The following FYB1 variants were observed in gnomAD, a reference collection of about 807,000 sequenced individuals.
FYB1 encodes the protein FYN-binding protein 1.
In FYB1, 41 loss-of-function variants were observed where a neutral mutation model predicts 94.1. The observed-to-expected ratio is 0.44, with a 90% CI of 0.34 to 0.57. FYB1 has a LOEUF of 0.57. Ranked by LOEUF, FYB1 falls within the 20% of genes least tolerant of loss-of-function variation. FYB1 has a pLI of 0.02. For missense variants in FYB1, 1,050 were observed against 976.8 expected (o/e 1.07, Z -1.00); for synonymous variants, 367 against 353.2 (o/e 1.04, Z -0.44).
Position 39,157,140 on chromosome 5 carries a change from G to A in FYB1, c.1136-3536C>T, listed in dbSNP as rs79579060. 6.4e-3 allele frequency among the ~76,000 whole-genome samples: 980 copies of A among 152,098 alleles called. 7 individuals are homozygous for A. Among genetic ancestry groups the A allele is most frequent in the Non-Finnish European group, 0.01 (688 of 67,984 alleles). On this transcript the variant is annotated intron_variant, in intron 2 of 18. Transcript: ENST00000512982. ...GTTCAGAGAATTAGTAAGCCGTAGC[G>A]GTGGGTTTCAAACTTGGCCAGAATT...
At chr5:39,113,712 T>A (rs1739277893) in intron 16 of FYB1, among the ~76,000 whole-genome samples, 1 of 150,824 alleles carries the variant, frequency 6.6e-6, no homozygotes, top group Non-Finnish European at 1.5e-5. Context: ...TCATTTCATT[T>A]GTTGTGGGTA....
At chr5:39,246,758 T>C (rs1400542767) in intron 1 of FYB1, among the ~76,000 whole-genome samples, 1 of 152,258 alleles carries the variant, frequency 6.6e-6, no homozygotes, top group South Asian at 2.1e-4. Context: ...GATAGATCCA[T>C]GTAAACTGAA....
intron 2 of FYB1, among the ~76,000 whole-genome samples, chr5:39,159,209 G>T (rs1046248682): frequency 1.3e-5 from 2 of 152,150 alleles, no homozygotes; most frequent in Admixed American, 1.3e-4. Flanking sequence ...CTATTTGTTT[G>T]AGAATTATTA....
intron 9 of FYB1, 23 bp downstream of exon 9, chr5:39,134,185 C>A: frequency 6.3e-7 from 1 of 1,585,944 alleles, no homozygotes; most frequent in Non-Finnish European, 8.6e-7. Flanking sequence ...TTGATCTGTT[C>A]TACAATACGT....
intron 2 of FYB1, among the ~76,000 whole-genome samples, chr5:39,154,081 C>T (rs914195096): frequency 6.6e-6 from 1 of 152,084 alleles, no homozygotes; most frequent in Non-Finnish European, 1.5e-5. Flanking sequence ...CCACTATGCC[C>T]GGCCTTATTC....
rs572182902 is a variant in FYB1, at chr5:39,140,972, G to A, written c.1339+123C>T. 26 of 666,918 alleles carry A rather than the reference G, an allele frequency of 3.9e-5. No individual in the cohort carries two copies. In the Admixed American group the frequency reaches 4.6e-4, roughly 12 times the overall value. The allele number at this position is 666,918 out of a possible 1,614,324, so 41.3% of individuals were successfully genotyped here. A position where few individuals can be genotyped will look rare whatever the true frequency, so the allele number is the denominator to read the frequency against. On this transcript the variant is annotated intron_variant, in intron 4 of 18. Coordinates refer to ENST00000512982, the MANE Select transcript of FYB1 (RefSeq NM_001465.6). ...ATAAGAGGGAATAAACAAATAAAACGAGAGGGGCCTTGCACAGACCAGTGA... is the reference window on the plus strand; with the variant it reads ...ATAAGAGGGAATAAACAAATAAAACAAGAGGGGCCTTGCACAGACCAGTGA...
intron 1 of FYB1, among the ~76,000 whole-genome samples, chr5:39,273,928 T>C (rs965758346): frequency 6.6e-6 from 1 of 152,054 alleles, no homozygotes; most frequent in Non-Finnish European, 1.5e-5. Flanking sequence ...TATTATGCTT[T>C]TTTTTTTTCT....
chr5:39,216,425 T>C (rs1056413814), intron 1 of FYB1, among the ~76,000 whole-genome samples: 3 of 152,182 alleles, frequency 2.0e-5, no homozygotes, highest in Non-Finnish European at 4.4e-5. Flanking sequence ...TTAAGTTCTT[T>C]CTGGGATACA....
At chr5:39,192,942 C>T (rs1025041398) in intron 2 of FYB1, among the ~76,000 whole-genome samples, 1 of 152,220 alleles carries the variant, frequency 6.6e-6, no homozygotes, top group Non-Finnish European at 1.5e-5. Context: ...GGCTCACTCT[C>T]CCATCCAGTG....
chr5:39,127,915 T>C, intron 10 of FYB1, 108 bp from the exon 11 acceptor site: 9 of 1,012,354 alleles, frequency 8.9e-6, no homozygotes, highest in Non-Finnish European at 1.2e-5. Context: ...AGAGAGCATT[T>C]CACTTTCATG....
chr5:39,274,522 T>C (rs758453249), exon 1 of FYB1: 1 of 152,198 alleles, frequency 6.6e-6, no homozygotes, highest in South Asian at 2.1e-4. Context: ...GGTTCTCTAA[T>C]TGTATTGGGT....
rs1421976698 is a variant in FYB1 at position 39,201,894 on chromosome 5, G to A, written c.1067C>T (p.Pro356Leu). ...TGGTGGTCTGTTGGGTTTTGGTGGA[G>A]GTGGACCCAAGGTAAACAAGGGAGG... is the stretch of plus-strand genomic sequence containing the variant. ...PLPPLFTLGP[P>L]PPKPNRPPNV... Residue 356 changes from proline (P) to leucine (L), a missense_variant, in exon 2 of 19, where the codon CCT becomes CTT. Transcript: ENST00000512982. 14 of 1,614,022 alleles carry A rather than the reference G, an allele frequency of 8.7e-6. No individual in the cohort carries two copies. In the South Asian group the frequency reaches 1.5e-4, roughly 18 times the overall value.
intron 2 of FYB1, among the ~76,000 whole-genome samples, chr5:39,181,378 A>C (rs1443085895): frequency 9.7e-6 from 1 of 102,578 alleles, no homozygotes; most frequent in Non-Finnish European, 2.6e-5. Context: ...CTGAATTTTG[A>C]ATTTCAATTT....
chr5:39,174,991 T>C (rs1428977), intron 2 of FYB1, among the ~76,000 whole-genome samples: 149,055 of 152,290 alleles, frequency 0.98, 73,009 homozygotes, highest in Non-Finnish European at 1. Context: ...TGTAAAATTT[T>C]TTAAAAGTTA....
chr5:39,116,096 C>A (rs1739539821), intron 16 of FYB1, among the ~76,000 whole-genome samples: 1 of 152,192 alleles, frequency 6.6e-6, no homozygotes, highest in Non-Finnish European at 1.5e-5. Context: ...TGGAGGTCTC[C>A]AGCATGATCA....
rs116809774 is a variant in FYB1 at position 39,188,829 on chromosome 5, G to A, written c.1135+12997C>T. 5.5e-3 allele frequency among the ~76,000 whole-genome samples: 831 copies of A among 152,160 alleles called. 8 individuals are homozygous for A. The highest frequency in any genetic ancestry group is 0.019 in the African/African-American group (801 of 41,502). ...ACTACTAGCGTGAGCCACTGCGCCCGTCTGACTACAGTACTTTTTAATGTG... is the reference window on the plus strand; with the variant it reads ...ACTACTAGCGTGAGCCACTGCGCCCATCTGACTACAGTACTTTTTAATGTG... On this transcript the variant is annotated intron_variant, in intron 2 of 18. Coordinates refer to ENST00000512982, the MANE Select transcript of FYB1 (RefSeq NM_001465.6).
chr5:39,119,008 G>A lies in FYB1; in HGVS notation c.2267C>T (p.Ser756Leu), dbSNP rs752764152. ...AGTTATGGAAGTTGTAACTTTAGTT[G>A]AATATAGGACTCTAATTTCACCATC... ...KYDGEIRVLY[S>L]TKVTTSITSK... Residue 756 changes from serine (S) to leucine (L), a missense_variant, in exon 16 of 19, where the codon TCA becomes TTA. Coordinates refer to ENST00000512982, the MANE Select transcript of FYB1 (RefSeq NM_001465.6). 6.8e-7 allele frequency: 1 copy of A among 1,480,882 alleles called. No homozygotes were observed. The highest frequency in any genetic ancestry group is 1.3e-5 in the South Asian group (1 of 74,754). 91.7% of individuals were successfully genotyped at this position (1,480,882 alleles called of 1,614,324 possible).
intron 1 of FYB1, among the ~76,000 whole-genome samples, chr5:39,266,629 G>C (rs752677519): frequency 1.3e-5 from 2 of 152,120 alleles, no homozygotes; most frequent in African/African-American, 2.4e-5. Context: ...GGTGGGGATT[G>C]GTCACAGTGG....
intron 1 of FYB1, among the ~76,000 whole-genome samples, chr5:39,218,586 T>C (rs1437173873): frequency 6.6e-6 from 1 of 152,220 alleles, no homozygotes; most frequent in African/African-American, 2.4e-5. Flanking sequence ...AAAGTGTATA[T>C]AGTTTTATCC....
Sources: gnomAD v4.1 joint callset for allele counts (sites outside exome capture counted in the v4.1 genomes callset) on GRCh38, gnomAD v4.1.1 for gene constraint, MANE v1.5 for transcripts, NCBI Gene and HGNC (gene_info 2026-07-23, HGNC 2026-07-21) for gene names.